STK33: variants seen among roughly 807,000 people sequenced by gnomAD.
STK33 encodes serine/threonine-protein kinase 33.
Under a neutral mutation model 58.0 loss-of-function variants are expected in STK33, and 52 were observed. The observed-to-expected ratio is 0.90, with a 90% CI of 0.72 to 1.13. STK33 has a LOEUF of 1.13. STK33 is among the 50% of genes most tolerant of loss of function. STK33 has a pLI of 0.00. For synonymous variants in STK33, 215 were observed against 200.1 expected (o/e 1.07, Z -0.63); for missense variants, 630 against 604.2 (o/e 1.04, Z -0.45).
chr11:8,527,041 G>A (rs1429389175), intron 1 of STK33, among the ~76,000 whole-genome samples: 1 of 149,364 alleles, frequency 6.7e-6, no homozygotes, highest in African/African-American at 2.5e-5. Flanking sequence ...ACATAATCTC[G>A]GCTCACTGCA....
At chr11:8,396,276 G>C (rs1177639429) in intron 15 of STK33, among the ~76,000 whole-genome samples, 1 of 152,072 alleles carries the variant, frequency 6.6e-6, no homozygotes, top group Non-Finnish European at 1.5e-5. Context: ...GCTAATTTTT[G>C]TATTTTTAGT....
intron 1 of STK33, among the ~76,000 whole-genome samples, chr11:8,497,935 C>T (rs147936215): frequency 6.6e-6 from 1 of 152,188 alleles, no homozygotes; most frequent in East Asian, 1.9e-4. Flanking sequence ...GACCAATTTC[C>T]CTTATGAGTA....
Position 8,397,721 on chromosome 11 carries a change from T to A in STK33, c.1345-5011A>T, listed in dbSNP as rs968985032. Among the ~76,000 whole-genome samples the A allele has an allele frequency of 1.3e-5, 2 of 151,162 alleles. 1 individual carries two copies. On this transcript the variant is annotated intron_variant, in intron 15 of 15. Coordinates refer to ENST00000687296, the MANE Select transcript of STK33 (RefSeq NM_001352389.2). ...GAAGTTAAAAACCTTGAAAAAAAAA[T>A]AGACAAATGGCAAACTAGGATAACC...
the STK33 span, among the ~76,000 whole-genome samples, chr11:8,378,411 G>C: frequency 3.3e-5 from 5 of 152,150 alleles, no homozygotes; most frequent in Admixed American, 6.5e-5. Flanking sequence ...CCATCTACTC[G>C]GGAGGCTGAG....
At chr11:8,551,822 G>A (rs1956320862) in intron 1 of STK33, among the ~76,000 whole-genome samples, 1 of 152,118 alleles carries the variant, frequency 6.6e-6, no homozygotes, top group African/African-American at 2.4e-5. Context: ...CTAGGTCAGG[G>A]GAAGGCTTGA....
chr11:8,508,266 C>CTTTTTTTTTTT (rs34759366), intron 1 of STK33, among the ~76,000 whole-genome samples: 13 of 114,272 alleles, frequency 1.1e-4, no homozygotes, highest in African/African-American at 3.2e-4. Context: ...ACCTTCTATT[C>CTTTTTTTTTTT]TTTTTTTTTT....
At chr11:8,499,397 C>T (rs189162079) in intron 1 of STK33, among the ~76,000 whole-genome samples, 2,544 of 152,090 alleles carry the variant, frequency 0.017, 63 homozygotes, top group African/African-American at 0.057. Context: ...GTTAGAATAG[C>T]GATCATTAAA....
At chr11:8,449,611 A>G (rs1351651414) in intron 11 of STK33, among the ~76,000 whole-genome samples, 3 of 133,550 alleles carry the variant, frequency 2.2e-5, no homozygotes, top group Non-Finnish European at 4.7e-5. Context: ...GAAGGGGAAC[A>G]TCACACACTG....
intron 11 of STK33, among the ~76,000 whole-genome samples, chr11:8,447,594 TG>T (rs1191660649): frequency 6.6e-6 from 1 of 152,206 alleles, no homozygotes; most frequent in Admixed American, 6.5e-5. Flanking sequence ...CAATGCTTCA[TG>T]CTAAAAACTC....
intron 1 of STK33, among the ~76,000 whole-genome samples, chr11:8,546,553 T>C (rs531636574): frequency 1.6e-4 from 24 of 152,220 alleles, no homozygotes; most frequent in African/African-American, 5.8e-4. Context: ...TCTTTCTAAC[T>C]ATATTTTTGT....
intron 1 of STK33, among the ~76,000 whole-genome samples, chr11:8,538,602 A>G (rs1277149345): frequency 2.0e-5 from 3 of 152,236 alleles, no homozygotes; most frequent in Non-Finnish European, 4.4e-5. Flanking sequence ...CTAAAGAAAA[A>G]AGCCAGTAGT....
intron 15 of STK33, among the ~76,000 whole-genome samples, chr11:8,402,961 G>C (rs1436379833): frequency 2.0e-5 from 3 of 152,130 alleles, no homozygotes; most frequent in African/African-American, 7.2e-5. Flanking sequence ...GTAAGTAATA[G>C]AACAGAGAAA....
At chr11:8,354,472 C>CCACACACACACACACACA in the STK33 span, among the ~76,000 whole-genome samples, 299 of 56,048 alleles carry the variant, frequency 5.3e-3, 6 homozygotes, top group African/African-American at 0.018. Context: ...GTCTGCAAAA[C>CCACACACACACACACACA]CTCACACACA....
chr11:8,377,841 T>G, the STK33 span, among the ~76,000 whole-genome samples: 46 of 152,172 alleles, frequency 3.0e-4, no homozygotes, highest in African/African-American at 1.0e-3. Flanking sequence ...AATCAAGAAC[T>G]TAATCCCTTT....
At chr11:8,497,557 C>T (rs560320298) in intron 1 of STK33, among the ~76,000 whole-genome samples, 164 of 152,300 alleles carry the variant, frequency 1.1e-3, no homozygotes, top group Middle Eastern at 6.8e-3. Flanking sequence ...GCAGCCTTGA[C>T]CTCTCTGGGC....
chr11:8,440,608 A>T, intron 12 of STK33, 70 bp downstream of exon 12: 1 of 1,258,248 alleles, frequency 7.9e-7, no homozygotes, highest in Non-Finnish European at 1.1e-6. Flanking sequence ...GTTTTAATTT[A>T]AAGTCTATAT....
At chr11:8,409,506 A>G (rs1939842905) in intron 15 of STK33, among the ~76,000 whole-genome samples, 1 of 152,232 alleles carries the variant, frequency 6.6e-6, no homozygotes, top group South Asian at 2.1e-4. Context: ...GCAAAGTCAC[A>G]TGGCAAAGGA....
chr11:8,387,148 A>G (rs1461352911), downstream of STK33, among the ~76,000 whole-genome samples: 1 of 152,226 alleles, frequency 6.6e-6, no homozygotes, highest in Admixed American at 6.5e-5. Context: ...ATTCGTCAAC[A>G]TGCAAAATAA....
intron 1 of STK33, among the ~76,000 whole-genome samples, chr11:8,523,660 G>A (rs540350135): frequency 2.6e-5 from 4 of 151,382 alleles, no homozygotes; most frequent in East Asian, 2.0e-4. Context: ...TCCGGGAGGT[G>A]GGGGGCAGCC....
Sources: allele counts gnomAD v4.1 joint callset (sites outside exome capture counted in the v4.1 genomes callset), GRCh38; gene constraint gnomAD v4.1.1; transcripts MANE v1.5; gene names NCBI Gene and HGNC (gene_info 2026-07-23, HGNC 2026-07-21).